ARHGEF11: variants seen among roughly 807,000 people sequenced by gnomAD.
The protein encoded by ARHGEF11 is Rho guanine nucleotide exchange factor 11.
A neutral mutation model predicts 193.7 loss-of-function variants in ARHGEF11; 55 were observed. That is an observed-to-expected ratio of 0.28 (90% confidence interval 0.23 to 0.36). The LOEUF (loss-of-function observed/expected upper bound fraction) is 0.36, where lower values mean the gene tolerates loss of function less well. Among genes scored for constraint, ARHGEF11 ranks in the 10% least tolerant of loss-of-function variants. The probability of loss-of-function intolerance (pLI) is 1.00; values close to 1 mark genes in which losing one functional copy is unlikely to be tolerated. For missense variants in ARHGEF11, 1,723 were observed against 2,005.6 expected (o/e 0.86, Z 2.69); for synonymous variants, 693 against 768.0 (o/e 0.90, Z 1.62).
chr1:156,969,098 T>TG (rs1184491204), intron 10 of ARHGEF11, among the ~76,000 whole-genome samples, 184 bp downstream of exon 10: 1 of 152,238 alleles, frequency 6.6e-6, no homozygotes, highest in African/African-American at 2.4e-5. Flanking sequence ...TTGATAATCT[T>TG]GCATGTTGGA....
Position 156,944,447 on chromosome 1 carries a change from AC to A in ARHGEF11, c.2992-15del. The A allele has an allele frequency of 1.3e-6, 2 of 1,544,082 alleles. No homozygotes were observed. Among genetic ancestry groups the A allele is most frequent in the Non-Finnish European group, 1.7e-6 (2 of 1,150,164 alleles). On this transcript the variant is annotated splice_polypyrimidine_tract_variant and intron_variant, in intron 30 of 40. Coordinates refer to ENST00000368194, the MANE Select transcript of ARHGEF11 (RefSeq NM_198236.3). ...AAGATCCAGGCTCTGTTAAGGAGAC[AC>A]CATTCATTCATTCATTCATTCATTC...
chr1:156,986,915 G>A (rs1480972590), intron 1 of ARHGEF11, among the ~76,000 whole-genome samples: 1 of 152,168 alleles, frequency 6.6e-6, no homozygotes, highest in African/African-American at 2.4e-5. Flanking sequence ...TGGTCTGTTT[G>A]GCGGTAGTAT....
rs929922975 is a variant in ARHGEF11, at chr1:156,980,015, G to A, written c.273+422C>T. Among the ~76,000 whole-genome samples, 15 of 152,118 alleles carry A rather than the reference G, an allele frequency of 9.9e-5. No homozygotes were observed. The East Asian group carries it at 1.3e-3, about 14-fold the overall frequency. ...GGCTAGTCTTGAACACCATTCTGTC[G>A]AAGAAAGGTCTGAACGACCAGGGCA... On this transcript the variant is annotated intron_variant, in intron 4 of 40. Transcript: ENST00000368194.
intron 1 of ARHGEF11, among the ~76,000 whole-genome samples, chr1:157,039,349 G>A (rs573427229): frequency 2.0e-5 from 3 of 152,318 alleles, no homozygotes; most frequent in African/African-American, 7.2e-5. Flanking sequence ...AGCAAACTGA[G>A]GTCGAGGGCA....
At chr1:156,989,857 C>T (rs1409986011) in intron 1 of ARHGEF11, among the ~76,000 whole-genome samples, 1 of 152,158 alleles carries the variant, frequency 6.6e-6, no homozygotes, top group East Asian at 1.9e-4. Flanking sequence ...GTAACATTTG[C>T]TTTATCTATG....
intron 1 of ARHGEF11, among the ~76,000 whole-genome samples, chr1:157,019,873 G>A (rs558706670): frequency 2.6e-5 from 4 of 152,238 alleles, no homozygotes; most frequent in African/African-American, 9.6e-5. Flanking sequence ...GAAAAGAAGA[G>A]AGATGCACTT....
intron 2 of ARHGEF11, among the ~76,000 whole-genome samples, chr1:156,984,732 A>G (rs1664682318): frequency 6.6e-6 from 1 of 152,082 alleles, no homozygotes; most frequent in South Asian, 2.1e-4. Context: ...CCCGGGTGAG[A>G]CTGGTCAAAG....
intron 1 of ARHGEF11, among the ~76,000 whole-genome samples, chr1:157,014,063 T>C (rs960864176): frequency 3.3e-5 from 5 of 152,368 alleles, no homozygotes; most frequent in African/African-American, 1.2e-4. Context: ...TCTCCAGCCT[T>C]GCTGAGGCCT....
Position 156,984,321 on chromosome 1 carries a change from G to A in ARHGEF11, c.223+18C>T, listed in dbSNP as rs1319980575. ...TGCAAGAACTGTCCACCGTGGGCAG[G>A]AGGGATGCAGCACTCACCAGGCCGC... On this transcript the variant is annotated intron_variant, in intron 3 of 40. Transcript: ENST00000368194. The A allele has an allele frequency of 3.2e-6, 5 of 1,565,844 alleles. No homozygotes were observed. Among genetic ancestry groups the A allele is most frequent in the South Asian group, 1.2e-5 (1 of 85,454 alleles).
At chr1:157,021,414 A>C (rs1669966595) in intron 1 of ARHGEF11, among the ~76,000 whole-genome samples, 1 of 152,218 alleles carries the variant, frequency 6.6e-6, no homozygotes, top group Admixed American at 6.5e-5. Context: ...GATATATTTA[A>C]AATCAAAATA....
intron 1 of ARHGEF11, among the ~76,000 whole-genome samples, chr1:157,024,996 A>C (rs2102945020): frequency 6.6e-6 from 1 of 152,344 alleles, no homozygotes; most frequent in South Asian, 2.1e-4. Context: ...TTTTGAACAC[A>C]TACCTCATGT....
intron 5 of ARHGEF11, 82 bp downstream of exon 5, chr1:156,979,147 C>T (rs1029522284): frequency 1.5e-6 from 2 of 1,352,304 alleles, no homozygotes; most frequent in South Asian, 1.2e-5. Context: ...CCTGGAATGC[C>T]AGGCCTGACC....
chr1:156,939,647 T>C lies in ARHGEF11; in HGVS notation c.3997A>G (p.Arg1333Gly), dbSNP rs1335889194. ...GGAGACTCCCATATCCCAGAATTTC[T>C]GGTCCTTGGGGGTAGGTGTTCCAGA... ...CSLEHLPPRT[R>G]NSGIWESPEL... Residue 1333 changes from arginine to glycine, a missense_variant, in exon 37 of 41, where the codon AGA becomes GGA. Physicochemically the swap from Arg to Gly is moderately radical, Grantham distance 125. Transcript: ENST00000368194. 1.2e-6 allele frequency: 2 copies of C among 1,613,984 alleles called. No homozygotes were observed. The highest frequency in any genetic ancestry group is 3.3e-5 in the Admixed American group (2 of 60,028).
intron 7 of ARHGEF11, among the ~76,000 whole-genome samples, chr1:156,975,050 T>C (rs1209702859): frequency 2.6e-5 from 4 of 152,246 alleles, no homozygotes; most frequent in Non-Finnish European, 4.4e-5. Flanking sequence ...TGCTGGGTCA[T>C]ATAGTATTGC....
At chr1:157,007,566 C>T (rs561961974) in intron 1 of ARHGEF11, among the ~76,000 whole-genome samples, 3 of 151,914 alleles carry the variant, frequency 2.0e-5, no homozygotes, top group South Asian at 2.1e-4. Flanking sequence ...GGTTGTGCGG[C>T]GGGGGGAGGA....
chr1:157,044,375 G>A lies in ARHGEF11; in HGVS notation c.-45C>T. ...GGTTCCAGAATCCTGTAGCTTTGGT[G>A]TCTTGATCAGGATTGAATCGCTTGC... On this transcript the variant is annotated 5_prime_UTR_variant, in exon 1 of 41. Coordinates refer to ENST00000368194, the MANE Select transcript of ARHGEF11 (RefSeq NM_198236.3). 6.2e-7 allele frequency: 1 copy of A among 1,604,100 alleles called. No homozygotes were observed. Among genetic ancestry groups the A allele is most frequent in the Non-Finnish European group, 8.5e-7 (1 of 1,171,296 alleles).
intron 1 of ARHGEF11, among the ~76,000 whole-genome samples, chr1:156,988,238 G>C (rs1020054185): frequency 6.6e-6 from 1 of 152,218 alleles, no homozygotes; most frequent in Non-Finnish European, 1.5e-5. Context: ...CATGAAAGCA[G>C]AGAGGGTCTT....
intron 10 of ARHGEF11, among the ~76,000 whole-genome samples, chr1:156,968,480 C>G (rs569547370): frequency 6.6e-6 from 1 of 152,200 alleles, no homozygotes; most frequent in Non-Finnish European, 1.5e-5. Flanking sequence ...CTGTGGCCTT[C>G]CAGATAATGT....
At chr1:156,952,858 G>C (rs1433501311) in intron 21 of ARHGEF11, among the ~76,000 whole-genome samples, 1 of 152,224 alleles carries the variant, frequency 6.6e-6, no homozygotes, top group African/African-American at 2.4e-5. Context: ...GCCTGAACGT[G>C]CATCTGGGCC....
Sources: allele counts gnomAD v4.1 joint callset (sites outside exome capture counted in the v4.1 genomes callset), GRCh38; gene constraint gnomAD v4.1.1; transcripts MANE v1.5; gene names NCBI Gene and HGNC (gene_info 2026-07-23, HGNC 2026-07-21).